Variants in GSK3B observed in about 807,000 individuals in gnomAD.
The protein encoded by GSK3B is glycogen synthase kinase 3 beta, also known as glycogen synthase kinase-3 beta.
In GSK3B, 15 loss-of-function variants were observed where a neutral mutation model predicts 56.4. That is an observed-to-expected ratio of 0.27 (90% CI 0.18 to 0.41). The LOEUF (loss-of-function observed/expected upper bound fraction) is 0.41, where lower values mean the gene tolerates loss of function less well. Among genes scored for constraint, GSK3B ranks in the 10% least tolerant of loss-of-function variants. The pLI, the probability that GSK3B is intolerant of heterozygous loss-of-function variation, is 1.00. For synonymous variants in GSK3B, 181 were observed against 188.9 expected (o/e 0.96, Z 0.34); for missense variants, 300 against 513.4 (o/e 0.58, Z 4.02).
chr3:120,092,462 A>G (rs2058520854), intron 1 of GSK3B, among the ~76,000 whole-genome samples: 1 of 152,242 alleles, frequency 6.6e-6, no homozygotes, highest in Non-Finnish European at 1.5e-5. Context: ...AACATTTAAC[A>G]GGTAATGAAT....
In GSK3B at chr3:120,002,211, T is replaced by C; in HGVS notation, c.117A>G (p.Thr39=). ...GACCCTGCCCAGGAGTTGCCACCAC[T>C]GTTGTCACCTTGCTGCCGTCCTTGT... ...SRDKDGSKVT[T]VVATPGQGPD... Residue 39 remains threonine, a synonymous_variant, in exon 2 of 11, where the codon ACA becomes ACG. Coordinates refer to ENST00000264235, the MANE Select transcript of GSK3B (RefSeq NM_001146156.2). 1 of 1,575,264 alleles carries C rather than the reference T, an allele frequency of 6.3e-7. No homozygotes were observed. The highest frequency in any genetic ancestry group is 8.6e-7 in the Non-Finnish European group (1 of 1,164,640).
intron 3 of GSK3B, among the ~76,000 whole-genome samples, chr3:119,945,521 C>G (rs1435858681): frequency 6.6e-6 from 1 of 152,052 alleles, no homozygotes; most frequent in Non-Finnish European, 1.5e-5. Flanking sequence ...AGTTGTCACC[C>G]CCAATGCAGG....
At chr3:119,961,265 G>A (rs2057268708) in intron 2 of GSK3B, among the ~76,000 whole-genome samples, 1 of 152,064 alleles carries the variant, frequency 6.6e-6, no homozygotes, top group South Asian at 2.1e-4. Context: ...CCAAGCTCTG[G>A]CTCACCAAAG....
At chr3:120,022,642 G>C (rs1036199292) in intron 1 of GSK3B, among the ~76,000 whole-genome samples, 2 of 152,180 alleles carry the variant, frequency 1.3e-5, no homozygotes, top group Non-Finnish European at 2.9e-5. Flanking sequence ...CATTCAAATA[G>C]GGCAAGTCCA....
intron 2 of GSK3B, among the ~76,000 whole-genome samples, chr3:119,963,996 A>G (rs993099836): frequency 2.0e-5 from 3 of 152,238 alleles, no homozygotes; most frequent in Non-Finnish European, 4.4e-5. Context: ...AAAGCCAAAA[A>G]TAGACAAGTG....
At chr3:120,071,738 T>C (rs2058328526) in intron 1 of GSK3B, among the ~76,000 whole-genome samples, 1 of 152,196 alleles carries the variant, frequency 6.6e-6, no homozygotes, top group Non-Finnish European at 1.5e-5. Flanking sequence ...GTAATAATAA[T>C]AAAGTGCACA....
chr3:119,972,942 C>A (rs1166179554), intron 2 of GSK3B, among the ~76,000 whole-genome samples: 16 of 152,148 alleles, frequency 1.1e-4, no homozygotes, highest in Non-Finnish European at 1.5e-4. Context: ...TTTTCCTAGG[C>A]TTCCAATTTG....
At chr3:120,073,715 GAGA>G (rs2058346227) in intron 1 of GSK3B, among the ~76,000 whole-genome samples, 1 of 152,160 alleles carries the variant, frequency 6.6e-6, no homozygotes, top group Non-Finnish European at 1.5e-5. Context: ...GAGCAATTAA[GAGA>G]ACAGGTTCGA....
chr3:119,836,984 A>T (rs2055701100), intron 10 of GSK3B, among the ~76,000 whole-genome samples: 1 of 152,200 alleles, frequency 6.6e-6, no homozygotes, highest in Non-Finnish European at 1.5e-5. Context: ...TTTAGAACAA[A>T]TCCAGGATTA....
chr3:119,963,618 T>C (rs1165205264), intron 2 of GSK3B, among the ~76,000 whole-genome samples: 3 of 107,092 alleles, frequency 2.8e-5, no homozygotes, highest in Non-Finnish European at 5.1e-5. Flanking sequence ...GACTGTCTTC[T>C]TCCCCACAAA....
At chr3:119,849,956 T>C (rs2055905075) in intron 9 of GSK3B, among the ~76,000 whole-genome samples, 1 of 152,134 alleles carries the variant, frequency 6.6e-6, no homozygotes. Context: ...CTTTAAATCA[T>C]CTCTAGATTA....
intron 1 of GSK3B, among the ~76,000 whole-genome samples, chr3:120,057,276 C>G (rs1466258907): frequency 6.6e-6 from 1 of 152,070 alleles, no homozygotes; most frequent in Non-Finnish European, 1.5e-5. Context: ...TTTAGAAAAA[C>G]AGGTCGCCAG....
intron 1 of GSK3B, among the ~76,000 whole-genome samples, chr3:120,028,558 G>A (rs2107518589): frequency 6.6e-6 from 1 of 152,314 alleles, no homozygotes; most frequent in Non-Finnish European, 1.5e-5. Flanking sequence ...CCTCTCATCT[G>A]AATGAGCTCC....
chr3:120,087,905 T>C (rs985431412), intron 1 of GSK3B, among the ~76,000 whole-genome samples: 1 of 152,148 alleles, frequency 6.6e-6, no homozygotes, highest in Non-Finnish European at 1.5e-5. Context: ...GTTTTGTTTT[T>C]TTTTTGAGAC....
intron 2 of GSK3B, among the ~76,000 whole-genome samples, chr3:119,989,659 A>G (rs76271978): frequency 6.6e-6 from 1 of 151,484 alleles, no homozygotes; most frequent in Non-Finnish European, 1.5e-5. Context: ...AAAAAAAAAA[A>G]GGAAATAAAA....
intron 9 of GSK3B, among the ~76,000 whole-genome samples, chr3:119,849,925 C>T (rs757013539): frequency 6.6e-6 from 1 of 152,116 alleles, no homozygotes; most frequent in Non-Finnish European, 1.5e-5. Flanking sequence ...ACGCGATTCT[C>T]GTGCATGAGC....
intron 2 of GSK3B, among the ~76,000 whole-genome samples, chr3:119,956,998 G>A (rs1265358498): frequency 6.6e-6 from 1 of 152,168 alleles, no homozygotes; most frequent in Non-Finnish European, 1.5e-5. Flanking sequence ...GAATTAACGT[G>A]GCTGTTTGTT....
intron 9 of GSK3B, among the ~76,000 whole-genome samples, chr3:119,849,384 C>T (rs1276917551): frequency 2.6e-5 from 4 of 152,126 alleles, no homozygotes; most frequent in Non-Finnish European, 5.9e-5. Context: ...GGGGCACTGT[C>T]AAATGAAAAC....
intron 2 of GSK3B, among the ~76,000 whole-genome samples, chr3:119,974,353 AAT>A (rs2057392780): frequency 6.6e-6 from 1 of 152,190 alleles, no homozygotes. Flanking sequence ...CCTAAGCATC[AAT>A]GTGATGGTAT....
Sources: gnomAD v4.1 joint callset for allele counts (sites outside exome capture counted in the v4.1 genomes callset) on GRCh38, gnomAD v4.1.1 for gene constraint, MANE v1.5 for transcripts, NCBI Gene and HGNC (gene_info 2026-07-23, HGNC 2026-07-21) for gene names.